CHM: variants seen among roughly 807,000 people sequenced by gnomAD.
CHM encodes the protein CHM Rab escort protein.
CHM carries 10 observed loss-of-function variants against 49.0 expected under a neutral mutation model. The observed-to-expected ratio is 0.20, with a 90% confidence interval of 0.13 to 0.35. The LOEUF (loss-of-function observed/expected upper bound fraction) is 0.35. Among genes scored for constraint, CHM ranks in the 10% least tolerant of loss-of-function variants. The pLI, the probability that CHM is intolerant of heterozygous loss-of-function variation, is 1.00. For missense variants in CHM, 455 were observed against 478.4 expected (o/e 0.95, Z 0.46); for synonymous variants, 184 against 167.5 (o/e 1.10, Z -0.76).
chrX:85,932,379 C>T (rs758251903), intron 8 of CHM, among the ~76,000 whole-genome samples: 5 of 111,900 alleles, frequency 4.5e-5, no homozygotes, highest in Non-Finnish European at 7.5e-5. Flanking sequence ...CTTAAAATAC[C>T]ATTTCCAAAG....
intron 4 of CHM, among the ~76,000 whole-genome samples, chrX:85,976,398 G>A (rs1282726146): frequency 1.8e-5 from 2 of 111,503 alleles, no homozygotes; most frequent in Admixed American, 1.9e-4. Flanking sequence ...CGAGGCAGGT[G>A]GATCACGAGG....
intron 8 of CHM, among the ~76,000 whole-genome samples, chrX:85,946,268 A>G (rs1436364582): frequency 1.8e-5 from 2 of 112,800 alleles, no homozygotes; most frequent in African/African-American, 6.4e-5. Flanking sequence ...AGAAATGTGC[A>G]TAACTAAAAA....
At chrX:85,982,216 T>C (rs1195407440) in intron 2 of CHM, among the ~76,000 whole-genome samples, 1 of 110,957 alleles carries the variant, frequency 9.0e-6, no homozygotes, top group African/African-American at 3.3e-5. Context: ...CTGTAAGTAC[T>C]TAAATCTCCT....
intron 12 of CHM, among the ~76,000 whole-genome samples, chrX:85,883,686 T>C (rs757109288): frequency 2.7e-5 from 3 of 111,135 alleles, no homozygotes; most frequent in Non-Finnish European, 3.8e-5. Flanking sequence ...TTGTTTTAAA[T>C]CAATATCTAA....
At chrX:85,924,204 G>C (rs1927958626) in intron 8 of CHM, among the ~76,000 whole-genome samples, 1 of 111,316 alleles carries the variant, frequency 9.0e-6, no homozygotes, top group Non-Finnish European at 1.9e-5. Context: ...AAGAGTGAAA[G>C]AGGGGAGGCC....
intron 8 of CHM, among the ~76,000 whole-genome samples, chrX:85,937,642 G>A (rs775947282): frequency 2.7e-5 from 3 of 109,368 alleles, no homozygotes; most frequent in East Asian, 5.8e-4. Flanking sequence ...TCAGGAGTGC[G>A]AGACCAGCCT....
chrX:85,885,633 A>T (rs1227951795), intron 12 of CHM, among the ~76,000 whole-genome samples: 1 of 111,560 alleles, frequency 9.0e-6, no homozygotes, highest in Admixed American at 9.5e-5. Flanking sequence ...TCATTGGTCT[A>T]TATTTTGATT....
chrX:85,956,641 TAACTC>T (rs1930023427), intron 7 of CHM, among the ~76,000 whole-genome samples: 2 of 111,513 alleles, frequency 1.8e-5, no homozygotes, highest in Non-Finnish European at 3.8e-5. Flanking sequence ...AAATATTAAA[TAACTC>T]AATGGGTTGT....
chrX:85,871,264 G>A lies in CHM; in HGVS notation c.1770+1788C>T, dbSNP rs193017259. Among the ~76,000 whole-genome samples, 192 of 88,031 alleles carry A rather than the reference G, an allele frequency of 2.2e-3. 1 individual carries two copies. Among genetic ancestry groups the A allele is most frequent in the African/African-American group, 8.3e-3 (187 of 22,565 alleles). 76.4% of individuals were successfully genotyped at this position (88,031 alleles called of 115,157 possible). Reference sequence around the variant, plus strand: ...GGAGCTTGCAGTGAGCCAAGATTGCGCCACTGCACTCCAGCCTGGGTGACA... The same window carrying A: ...GGAGCTTGCAGTGAGCCAAGATTGCACCACTGCACTCCAGCCTGGGTGACA... On this transcript the variant is annotated intron_variant, in intron 14 of 14. Coordinates refer to ENST00000357749, the MANE Select transcript of CHM (RefSeq NM_000390.4).
intron 9 of CHM, among the ~76,000 whole-genome samples, chrX:85,903,978 T>A (rs1189540756): frequency 9.0e-6 from 1 of 111,308 alleles, no homozygotes; most frequent in Non-Finnish European, 1.9e-5. Flanking sequence ...ATAAGATATG[T>A]TTTCCTCTCA....
chrX:85,893,093 C>T (rs1450750184), intron 12 of CHM, among the ~76,000 whole-genome samples: 3 of 111,417 alleles, frequency 2.7e-5, no homozygotes, highest in African/African-American at 6.5e-5. Context: ...TTCATCTTTA[C>T]GTACCATGAA....
intron 13 of CHM, among the ~76,000 whole-genome samples, chrX:85,873,573 A>G (rs114821089): frequency 0.044 from 4,929 of 111,351 alleles, 248 homozygotes; most frequent in African/African-American, 0.15. Context: ...GTATATACAC[A>G]TGAAATATCC....
intron 2 of CHM, among the ~76,000 whole-genome samples, chrX:86,002,690 C>A (rs972329890): frequency 1.8e-5 from 2 of 112,187 alleles, no homozygotes; most frequent in Non-Finnish European, 3.8e-5. Context: ...GGGGGAGGGG[C>A]GTCGCCATTG....
chrX:86,045,902 T>G (rs1934634569), intron 1 of CHM, among the ~76,000 whole-genome samples: 1 of 112,383 alleles, frequency 8.9e-6, no homozygotes, highest in Non-Finnish European at 1.9e-5. Flanking sequence ...TCAGTTTTAG[T>G]ATAGACTTAA....
chrX:85,981,204 T>TTATATATATATATATATATATATATA (rs1193461119), intron 3 of CHM, among the ~76,000 whole-genome samples: 59 of 50,719 alleles, frequency 1.2e-3, no homozygotes, highest in African/African-American at 3.9e-3. Context: ...ACATTTCTAT[T>TTATATATATATATATATATATATATA]TCTATATATA....
In CHM at chrX:85,966,970, C is replaced by T. The variant is rs1242690064; in HGVS notation, c.315-2918G>A. ...GTATAAGCGAAGAGAAGAAATTATT[C>T]TTCGGAAATTTTTTCTACATCAATA... On this transcript the variant is annotated intron_variant, in intron 4 of 14. Transcript: ENST00000357749. Among the ~76,000 whole-genome samples the T allele has an allele frequency of 4.5e-5, 5 of 111,754 alleles. No homozygotes were observed. The South Asian group carries it at 1.8e-3, about 41-fold the overall frequency.
At chrX:86,035,203 C>T (rs1437263184) in intron 1 of CHM, among the ~76,000 whole-genome samples, 1 of 111,872 alleles carries the variant, frequency 8.9e-6, no homozygotes, top group Admixed American at 9.5e-5. Flanking sequence ...AAAAGGAAAA[C>T]ATTTTTCACT....
chrX:86,007,010 T>C (rs1459134344), intron 2 of CHM, among the ~76,000 whole-genome samples: 4 of 111,609 alleles, frequency 3.6e-5, no homozygotes, highest in Admixed American at 1.9e-4. Flanking sequence ...CTTCAAACTA[T>C]ACTACAAGGC....
chrX:85,899,780 G>A (rs1311031945), intron 11 of CHM, among the ~76,000 whole-genome samples: 1 of 103,620 alleles, frequency 9.7e-6, no homozygotes, highest in Non-Finnish European at 1.9e-5. Flanking sequence ...TTAATACGCT[G>A]TATTTTGCCA....
Sources: allele counts gnomAD v4.1 joint callset (sites outside exome capture counted in the v4.1 genomes callset), GRCh38; gene constraint gnomAD v4.1.1; transcripts MANE v1.5; gene names NCBI Gene and HGNC (gene_info 2026-07-23, HGNC 2026-07-21).